Variants in MARCHF1 observed in about 807,000 individuals in gnomAD.
MARCHF1 encodes E3 ubiquitin-protein ligase MARCHF1.
Under a neutral mutation model 54.2 loss-of-function variants are expected in MARCHF1, and 40 were observed. The observed-to-expected ratio is 0.74, with a 90% CI of 0.57 to 0.96. The LOEUF (loss-of-function observed/expected upper bound fraction) is 0.96. Among genes scored for constraint, MARCHF1 ranks in the 40% least tolerant of loss-of-function variants. The probability of loss-of-function intolerance (pLI) is 0.00; values close to 1 mark genes in which losing one functional copy is unlikely to be tolerated. For synonymous variants in MARCHF1, 236 were observed against 236.3 expected, an observed-to-expected ratio of 1.00 and a Z score of 0.01; for missense variants, 586 against 656.5, an observed-to-expected ratio of 0.89 and a Z score of 1.17.
chr4:164,091,434 A>ATATATATATATATATATAT (rs56887424), intron 2 of MARCHF1, among the ~76,000 whole-genome samples: 6 of 147,062 alleles, frequency 4.1e-5, no homozygotes, highest in East Asian at 2.0e-4. Context: ...ATATATGTAT[A>ATATATATATATATATATAT]AAATGAATTG....
chr4:164,250,148 T>C (rs554945162), intron 1 of MARCHF1, among the ~76,000 whole-genome samples: 4 of 152,090 alleles, frequency 2.6e-5, no homozygotes, highest in African/African-American at 4.8e-5. Flanking sequence ...GTAGCACTGA[T>C]TGGAGCTCCA....
intron 4 of MARCHF1, among the ~76,000 whole-genome samples, chr4:163,758,923 AAAAG>A (rs1162350045): frequency 1.3e-5 from 2 of 152,222 alleles, no homozygotes; most frequent in Non-Finnish European, 2.9e-5. Flanking sequence ...ATAAGCAAAT[AAAAG>A]GTTTTTAAAT....
At chr4:164,109,539 T>C (rs530178360) in intron 2 of MARCHF1, among the ~76,000 whole-genome samples, 7 of 151,998 alleles carry the variant, frequency 4.6e-5, no homozygotes, top group African/African-American at 1.7e-4. Flanking sequence ...ATTTCCTTAA[T>C]TTTTTTTCAG....
chr4:164,073,842 T>C (rs542751623), intron 2 of MARCHF1, among the ~76,000 whole-genome samples: 1 of 152,186 alleles, frequency 6.6e-6, no homozygotes, highest in South Asian at 2.1e-4. Flanking sequence ...TCTCGCTCTG[T>C]CGCCAGGCTG....
At chr4:163,651,879 T>A (rs148660691) in intron 5 of MARCHF1, among the ~76,000 whole-genome samples, 3 of 151,806 alleles carry the variant, frequency 2.0e-5, no homozygotes, top group African/African-American at 7.2e-5. Flanking sequence ...TTATTTTCAA[T>A]GCTACTCCAT....
chr4:163,617,228 G>C (rs1466253619), intron 5 of MARCHF1, among the ~76,000 whole-genome samples: 1 of 152,090 alleles, frequency 6.6e-6, no homozygotes, highest in African/African-American at 2.4e-5. Flanking sequence ...TAGAATTGTG[G>C]TCATTGGAGA....
chr4:163,807,946 C>T (rs1291682796), intron 4 of MARCHF1, among the ~76,000 whole-genome samples: 1 of 152,068 alleles, frequency 6.6e-6, no homozygotes, highest in Non-Finnish European at 1.5e-5. Context: ...AGACTTGCTT[C>T]TGAATTACAG....
intron 2 of MARCHF1, among the ~76,000 whole-genome samples, chr4:164,074,107 TATTTC>T (rs1238885565): frequency 4.6e-5 from 7 of 152,222 alleles, no homozygotes; most frequent in Non-Finnish European, 8.8e-5. Flanking sequence ...TTTCCATAAG[TATTTC>T]ATTTTGAAAG....
rs1553971149 is a variant in MARCHF1, at chr4:164,027,392, A to AAAAAAAAAAAAAG, written c.-247-38684_-247-38683insCTTTTTTTTTTTT. Among the ~76,000 whole-genome samples, 2 of 58,982 alleles carry AAAAAAAAAAAAAG rather than the reference A, an allele frequency of 3.4e-5. 1 individual carries two copies. The highest frequency in any genetic ancestry group is 6.7e-5 in the Non-Finnish European group (2 of 29,980). The allele number at this position is 58,982 out of a possible 152,430, so 38.7% of individuals were successfully genotyped here. ...AAAAAAAAAAAAAAAAAAAAAAAAA[A>AAAAAAAAAAAAAG]AGATACATAGATAAATGGATCTATA... On this transcript the variant is annotated intron_variant, in intron 2 of 9. Coordinates refer to ENST00000514618, the MANE Select transcript of MARCHF1 (RefSeq NM_001394959.1).
At chr4:164,023,316 A>G (rs905154976) in intron 2 of MARCHF1, among the ~76,000 whole-genome samples, 1 of 152,180 alleles carries the variant, frequency 6.6e-6, no homozygotes, top group Admixed American at 6.5e-5. Context: ...TAGACCAGGT[A>G]AGGGTGTCAT....
intron 3 of MARCHF1, among the ~76,000 whole-genome samples, chr4:163,980,052 T>C (rs1184043752): frequency 6.6e-6 from 1 of 150,700 alleles, no homozygotes; most frequent in African/African-American, 2.4e-5. Context: ...AGAGCCCGCA[T>C]CGCCAAGTCA....
rs11324475 is a variant in MARCHF1 at position 163,544,434 on chromosome 4, AC to A, written c.1339+1161del. 4.4e-3 allele frequency among the ~76,000 whole-genome samples: 665 copies of A among 152,298 alleles called. 6 individuals are homozygous for A. The highest frequency in any genetic ancestry group is 0.015 in the African/African-American group (628 of 41,560). On this transcript the variant is annotated intron_variant, in intron 9 of 9. Transcript: ENST00000514618. ...TTTTCTTCCAGAAAAGGACAGTGGC[AC>A]CTGGAACGCTGTCACCATCCCCTCT...
chr4:163,894,723 C>A (rs1405383964), intron 3 of MARCHF1, among the ~76,000 whole-genome samples: 1 of 31,688 alleles, frequency 3.2e-5, no homozygotes, highest in African/African-American at 1.2e-4. Flanking sequence ...TATATATATG[C>A]ATGTGATGCA....
At chr4:164,076,827 T>C (rs1237774891) in intron 2 of MARCHF1, among the ~76,000 whole-genome samples, 1 of 152,030 alleles carries the variant, frequency 6.6e-6, no homozygotes, top group Non-Finnish European at 1.5e-5. Context: ...ACTTACAGGG[T>C]ATGTGAAGGA....
At chr4:163,634,812 C>T (rs1245488031) in intron 5 of MARCHF1, among the ~76,000 whole-genome samples, 150 of 141,892 alleles carry the variant, frequency 1.1e-3, no homozygotes, top group African/African-American at 4.1e-3. Flanking sequence ...CAGCACCACA[C>T]CACACCTATT....
At position 164,199,681 on chromosome 4, in the gene MARCHF1, C is replaced by CAGAGAG. The variant is rs70952609; in HGVS notation, c.-322-88025_-322-88020dup. Reference sequence around the variant, plus strand: ...ACACACACACACACACACACACACACAGAGAGAGAGAGAGAGAGAGAGAGA... The same window carrying CAGAGAG: ...ACACACACACACACACACACACACACAGAGAGAGAGAGAGAGAGAGAGAGAGAGAGA... On this transcript the variant is annotated intron_variant, in intron 1 of 9. Transcript: ENST00000514618. 3.3e-3 allele frequency among the ~76,000 whole-genome samples: 157 copies of CAGAGAG among 47,634 alleles called. 1 individual carries two copies. The highest frequency in any genetic ancestry group is 8.7e-3 in the African/African-American group (103 of 11,862). 31.2% of individuals were successfully genotyped at this position (47,634 alleles called of 152,430 possible).
intron 3 of MARCHF1, among the ~76,000 whole-genome samples, chr4:163,863,486 G>T (rs1248439796): frequency 6.6e-6 from 1 of 152,054 alleles, no homozygotes; most frequent in Admixed American, 6.6e-5. Flanking sequence ...GGAGTGCGAG[G>T]TTGCAGATAA....
chr4:163,612,910 G>T lies in MARCHF1; in HGVS notation c.371C>A (p.Ala124Asp). Residue 124 changes from alanine (A) to aspartate (D), a missense_variant, in exon 7 of 10, where the codon GCC becomes GAC. Physicochemically the swap from Ala to Asp is moderately radical, Grantham distance 126. This residue lies in a region of MARCHF1 where 387 missense variants were observed against 394.6 expected (regional missense o/e 0.98). Coordinates refer to ENST00000514618, the MANE Select transcript of MARCHF1 (RefSeq NM_001394959.1). ...TGCAGCATGCTCATATCTCTCAGAGGCTTTTCTCCTCCTCCTAGGTCTTTG... is the reference window on the plus strand; with the variant it reads ...TGCAGCATGCTCATATCTCTCAGAGTCTTTTCTCCTCCTCCTAGGTCTTTG... The part of the protein sequence containing the change: ...VIQRPRRRRK[A>D]SERYEHAAEE... 3 of 1,535,396 alleles carry T rather than the reference G, an allele frequency of 2.0e-6. 1 individual carries two copies. The highest frequency in any genetic ancestry group is 3.3e-4 in the Middle Eastern group (2 of 5,984).
chr4:163,732,332 T>C (rs1359507665), intron 4 of MARCHF1, among the ~76,000 whole-genome samples: 2 of 151,976 alleles, frequency 1.3e-5, no homozygotes, highest in Non-Finnish European at 2.9e-5. Flanking sequence ...CTTGAAGACA[T>C]AGTGCAAACA....
Sources: gnomAD v4.1 joint callset for allele counts (sites outside exome capture counted in the v4.1 genomes callset) on GRCh38, gnomAD v4.1.1 for gene constraint, gnomAD v4.1.1 regional missense constraint, MANE v1.5 for transcripts, NCBI Gene and HGNC (gene_info 2026-07-23, HGNC 2026-07-21) for gene names.